The following CACNA2D3 variants were observed in gnomAD, a reference collection of about 807,000 sequenced individuals.
The protein encoded by CACNA2D3 is calcium voltage-gated channel auxiliary subunit alpha2delta 3.
Under a neutral mutation model 160.6 loss-of-function variants are expected in CACNA2D3, and 60 were observed. The ratio of observed to expected loss-of-function variants is 0.37; its 90% CI spans 0.30 to 0.46. The LOEUF (loss-of-function observed/expected upper bound fraction) is 0.46. Ranked by LOEUF, CACNA2D3 falls within the 20% of genes least tolerant of loss-of-function variation. The pLI, the probability that CACNA2D3 is intolerant of heterozygous loss-of-function variation, is 1.00. For synonymous variants in CACNA2D3, 558 were observed against 492.9 expected, an observed-to-expected ratio of 1.13 and a Z score of -1.75; for missense variants, 1,205 against 1,365.0, an observed-to-expected ratio of 0.88 and a Z score of 1.85.
chr3:54,937,541 G>T (rs1701360957), intron 27 of CACNA2D3, among the ~76,000 whole-genome samples: 1 of 152,160 alleles, frequency 6.6e-6, no homozygotes, highest in Non-Finnish European at 1.5e-5. Flanking sequence ...TCAAACTCGT[G>T]TTGTGCAAGG....
chr3:54,416,287 C>G (rs1046494596), intron 4 of CACNA2D3, among the ~76,000 whole-genome samples: 2 of 152,226 alleles, frequency 1.3e-5, no homozygotes, highest in African/African-American at 2.4e-5. Flanking sequence ...GGATTGGCAG[C>G]TACCTCCAAT....
intron 2 of CACNA2D3, among the ~76,000 whole-genome samples, chr3:54,222,173 A>G (rs1701585782): frequency 6.6e-6 from 1 of 152,216 alleles, no homozygotes; most frequent in Non-Finnish European, 1.5e-5. Flanking sequence ...GGCTTATGCA[A>G]TTACGGAGGC....
chr3:54,615,674 A>G (rs1174199247), intron 9 of CACNA2D3, among the ~76,000 whole-genome samples: 1 of 152,250 alleles, frequency 6.6e-6, no homozygotes, highest in African/African-American at 2.4e-5. Flanking sequence ...GTGCTTCACA[A>G]TAATCTAGAT....
At chr3:54,370,202 G>C (rs1269938611) in intron 3 of CACNA2D3, among the ~76,000 whole-genome samples, 1 of 152,152 alleles carries the variant, frequency 6.6e-6, no homozygotes, top group Non-Finnish European at 1.5e-5. Flanking sequence ...TTAATTAGCA[G>C]TATTCATATT....
chr3:54,916,152 G>T (rs1014627330), intron 27 of CACNA2D3, among the ~76,000 whole-genome samples: 1 of 152,146 alleles, frequency 6.6e-6, no homozygotes, highest in East Asian at 1.9e-4. Flanking sequence ...CGTTCAAGTG[G>T]CTCATGGGGT....
At chr3:55,063,173 CAG>C (rs1233266543) in intron 35 of CACNA2D3, among the ~76,000 whole-genome samples, 5 of 152,152 alleles carry the variant, frequency 3.3e-5, no homozygotes, top group African/African-American at 1.2e-4. Flanking sequence ...CTTCAACACT[CAG>C]AGGCTTGCTG....
intron 11 of CACNA2D3, among the ~76,000 whole-genome samples, chr3:54,654,566 G>GGA: frequency 6.6e-6 from 1 of 152,258 alleles, no homozygotes; most frequent in Admixed American, 6.5e-5. Context: ...GAGGGGCAGA[G>GGA]GAAAGAAAGA....
chr3:54,729,282 T>C (rs2107008975), intron 11 of CACNA2D3, among the ~76,000 whole-genome samples: 1 of 152,310 alleles, frequency 6.6e-6, no homozygotes, highest in Middle Eastern at 3.4e-3. Context: ...AATATAGGTC[T>C]TTACTCCTTG....
intron 27 of CACNA2D3, among the ~76,000 whole-genome samples, chr3:54,913,358 C>G (rs545377388): frequency 1.3e-5 from 2 of 152,170 alleles, no homozygotes; most frequent in Non-Finnish European, 2.9e-5. Flanking sequence ...GAGCAGTATT[C>G]CTAATTTCCG....
intron 4 of CACNA2D3, among the ~76,000 whole-genome samples, chr3:54,475,541 T>C (rs1700813423): frequency 6.6e-6 from 1 of 152,174 alleles, no homozygotes. Flanking sequence ...CATCAGTTTC[T>C]TTGGGTTCTT....
intron 13 of CACNA2D3, among the ~76,000 whole-genome samples, chr3:54,790,271 C>T (rs185835645): frequency 1.4e-4 from 22 of 152,292 alleles, no homozygotes; most frequent in East Asian, 7.7e-4. Context: ...GTAACTGGTG[C>T]GGTGTCCTCT....
intron 27 of CACNA2D3, among the ~76,000 whole-genome samples, chr3:54,922,901 A>C (rs1196705368): frequency 6.6e-6 from 1 of 152,146 alleles, no homozygotes; most frequent in East Asian, 1.9e-4. Context: ...AAATCAAAAT[A>C]GACTTTCCCA....
chr3:54,993,118 G>A (rs1702778705), intron 31 of CACNA2D3, among the ~76,000 whole-genome samples: 1 of 152,174 alleles, frequency 6.6e-6, no homozygotes, highest in Admixed American at 6.5e-5. Context: ...CCCACCTCCA[G>A]CATTGGGGAT....
chr3:54,175,518 C>T (rs957830579), intron 2 of CACNA2D3, among the ~76,000 whole-genome samples: 2 of 147,198 alleles, frequency 1.4e-5, no homozygotes, highest in South Asian at 2.1e-4. Flanking sequence ...AAGGCTGAGG[C>T]AGGAGAATGG....
chr3:54,415,475 A>G (rs1254463842), intron 4 of CACNA2D3, among the ~76,000 whole-genome samples: 2 of 152,200 alleles, frequency 1.3e-5, no homozygotes, highest in Admixed American at 6.5e-5. Flanking sequence ...CATAATATAC[A>G]TATCTCCAAG....
Position 54,149,903 on chromosome 3 carries a change from C to G in CACNA2D3, c.204+26309C>G, listed in dbSNP as rs1022213809. ...TATCTGTCTCTCTCTCTCTCTCTCT[C>G]TCTCTCTCTCTCTCTCTCTCTCTCT... On this transcript the variant is annotated intron_variant, in intron 2 of 37. Transcript: ENST00000474759. Among the ~76,000 whole-genome samples the G allele has an allele frequency of 3.7e-5, 3 of 82,028 alleles. 1 individual carries two copies. The highest frequency in any genetic ancestry group is 1.6e-4 in the African/African-American group (3 of 19,144). The allele number at this position is 82,028 out of a possible 152,430, so 53.8% of individuals were successfully genotyped here.
At chr3:54,663,629 A>G (rs1271652458) in intron 11 of CACNA2D3, among the ~76,000 whole-genome samples, 2 of 152,258 alleles carry the variant, frequency 1.3e-5, no homozygotes, top group Non-Finnish European at 2.9e-5. Context: ...TTTATGATTT[A>G]TGCCCCCTGT....
chr3:54,608,136 C>T (rs1007730453), intron 9 of CACNA2D3, among the ~76,000 whole-genome samples: 2 of 152,008 alleles, frequency 1.3e-5, no homozygotes, highest in African/African-American at 4.8e-5. Context: ...AAATTGTACA[C>T]ACAACAAAAA....
chr3:54,204,152 C>G (rs1701226897), intron 2 of CACNA2D3, among the ~76,000 whole-genome samples: 1 of 152,064 alleles, frequency 6.6e-6, no homozygotes, highest in African/African-American at 2.4e-5. Flanking sequence ...ATTCTCGGGT[C>G]TCCAGACTTG....
Sources: gnomAD v4.1 joint callset for allele counts (sites outside exome capture counted in the v4.1 genomes callset) on GRCh38, gnomAD v4.1.1 for gene constraint, MANE v1.5 for transcripts, NCBI Gene and HGNC (gene_info 2026-07-23, HGNC 2026-07-21) for gene names.